The following HOXA3 variants were observed in gnomAD, a reference collection of about 807,000 sequenced individuals.
HOXA3 encodes homeobox A3.
In HOXA3, 8 loss-of-function variants were observed where a neutral mutation model predicts 30.3. The observed-to-expected ratio is 0.26, with a 90% CI of 0.15 to 0.48. HOXA3 has a LOEUF of 0.48. Ranked by LOEUF, HOXA3 falls within the 20% of genes least tolerant of loss-of-function variation. The probability of loss-of-function intolerance (pLI) is 0.99; values close to 1 mark genes in which losing one functional copy is unlikely to be tolerated. For synonymous variants in HOXA3, 323 were observed against 273.1 expected, an observed-to-expected ratio of 1.18 and a Z score of -1.80; for missense variants, 653 against 614.4, an observed-to-expected ratio of 1.06 and a Z score of -0.66.
chr7:27,152,326 C>T lies in HOXA3; in HGVS notation c.-532G>A. 4 of 1,267,904 alleles carry T rather than the reference C, an allele frequency of 3.2e-6. No homozygotes were observed. In the Middle Eastern group the frequency reaches 8.7e-4, roughly 277 times the overall value. 78.5% of individuals were successfully genotyped at this position (1,267,904 alleles called of 1,614,324 possible). ...CTCCCAGAAGCTCCTGCCCCTCTGA[C>T]AGCTGTCGCTTGGGCAGCCCGAGAG... On this transcript the variant is annotated 5_prime_UTR_variant, in exon 1 of 6. Transcript: ENST00000612286.
chr7:27,129,352 G>A lies in HOXA3; in HGVS notation c.-389-2282C>T, dbSNP rs1785417263. ...GGCCGAATTGGAGGATCGCATCTTG[G>A]TGTTGGGCAGTTTGTGGTCTTTCTT... is the stretch of plus-strand genomic sequence containing the variant. On this transcript the variant is annotated intron_variant, in intron 2 of 5. Transcript: ENST00000612286. The A allele has an allele frequency of 1.2e-6, 2 of 1,614,090 alleles. No homozygotes were observed. Among genetic ancestry groups the A allele is most frequent in the Admixed American group, 3.3e-5 (2 of 60,010 alleles).
intron 2 of HOXA3, among the ~76,000 whole-genome samples, chr7:27,131,865 AT>A (rs1785571566): frequency 6.6e-6 from 1 of 152,204 alleles, no homozygotes; most frequent in Admixed American, 6.5e-5. Context: ...GGCTAGAGTT[AT>A]ATTTGCAGGA....
intron 4 of HOXA3, among the ~76,000 whole-genome samples, chr7:27,111,596 C>A (rs1784383283): frequency 6.6e-6 from 1 of 152,048 alleles, no homozygotes; most frequent in Non-Finnish European, 1.5e-5. Flanking sequence ...TTTCCTCTCC[C>A]TGTTTCTCAG....
At chr7:27,151,373 T>G (rs1782967063) in intron 1 of HOXA3, 1 of 338,762 alleles carries the variant, frequency 3.0e-6, no homozygotes, top group South Asian at 2.2e-5. Flanking sequence ...CTCTCCCCGC[T>G]CGCGGAAGGT....
At chr7:27,141,987 T>C in intron 1 of HOXA3, 1 of 1,614,220 alleles carries the variant, frequency 6.2e-7, no homozygotes, top group Non-Finnish European at 8.5e-7. Flanking sequence ...CTTCTGCGGG[T>C]CAGGTAACGG....
intron 1 of HOXA3, among the ~76,000 whole-genome samples, chr7:27,149,396 G>A (rs898537485): frequency 7.2e-5 from 11 of 152,248 alleles, no homozygotes; most frequent in African/African-American, 2.7e-4. Flanking sequence ...ACTTAGTGGG[G>A]AGGTGGCAAT....
chr7:27,130,453 C>G (rs1318604293), intron 2 of HOXA3: 1 of 1,223,334 alleles, frequency 8.2e-7, no homozygotes, highest in Non-Finnish European at 1.0e-6. Flanking sequence ...GTCCGCGGCC[C>G]CATGCGCGGG....
intron 1 of HOXA3, among the ~76,000 whole-genome samples, chr7:27,146,406 C>G (rs1782770740): frequency 6.6e-6 from 1 of 152,088 alleles, no homozygotes; most frequent in African/African-American, 2.4e-5. Context: ...AATGGTCAGC[C>G]CTCTTGAATC....
At chr7:27,109,086 A>T (rs146881836) in intron 5 of HOXA3, among the ~76,000 whole-genome samples, 1 of 152,058 alleles carries the variant, frequency 6.6e-6, no homozygotes, top group East Asian at 1.9e-4. Flanking sequence ...CATTCTCTTC[A>T]CAGTAACTGA....
intron 2 of HOXA3, among the ~76,000 whole-genome samples, chr7:27,136,334 C>T (rs1438767174): frequency 6.6e-6 from 1 of 152,148 alleles, no homozygotes; most frequent in Non-Finnish European, 1.5e-5. Flanking sequence ...AGCCTATGAC[C>T]TCTTCGTTAG....
At chr7:27,143,147 G>C in intron 1 of HOXA3, 1 of 1,609,440 alleles carries the variant, frequency 6.2e-7, no homozygotes, top group East Asian at 2.2e-5. Context: ...GCTGCTGGCA[G>C]GGGCGTCCTC....
chr7:27,143,641 C>T (rs753764128), intron 1 of HOXA3: 14 of 1,556,770 alleles, frequency 9.0e-6, no homozygotes, highest in South Asian at 6.1e-5. Context: ...ATTTGTGGCT[C>T]GCGGTCGTTT....
rs565915971 is a variant in HOXA3, at chr7:27,109,704, G to A, written c.526+411C>T. Among the ~76,000 whole-genome samples the A allele has an allele frequency of 3.5e-4, 54 of 152,358 alleles. No individual in the cohort carries two copies. The South Asian group carries it at 0.011, about 30-fold the overall frequency. On this transcript the variant is annotated intron_variant, in intron 5 of 5. Coordinates refer to ENST00000612286, the MANE Select transcript of HOXA3 (RefSeq NM_153631.3). ...TAGGCAAAGCATTGATTCTGTCTTG[G>A]AGGGTGATTAGGCCTGTTTTTATTC... is the stretch of plus-strand genomic sequence containing the variant.
At chr7:27,130,332 G>C in intron 2 of HOXA3, 8 of 1,106,310 alleles carry the variant, frequency 7.2e-6, no homozygotes, top group Non-Finnish European at 8.8e-6. Flanking sequence ...GCTGCAGGAC[G>C]TGGCTCGCAT....
chr7:27,138,654 G>A (rs1785787568), intron 2 of HOXA3, among the ~76,000 whole-genome samples: 1 of 152,174 alleles, frequency 6.6e-6, no homozygotes, highest in African/African-American at 2.4e-5. Flanking sequence ...TTTTGCCATT[G>A]AAGAATATGG....
Position 27,108,111 on chromosome 7 carries a change from C to G in HOXA3, c.1136G>C (p.Gly379Ala), listed in dbSNP as rs1254705443. 2 of 1,609,020 alleles carry G rather than the reference C, an allele frequency of 1.2e-6. No individual in the cohort carries two copies. Among genetic ancestry groups the G allele is most frequent in the Non-Finnish European group, 1.7e-6 (2 of 1,176,676 alleles). The change falls in exon 6 of 6, where the codon GGG (glycine) becomes GCG (alanine). Residue 379 changes from glycine to alanine, a missense_variant. By Grantham distance (60) the Gly-to-Ala change is moderately conservative (BLOSUM62 0). Coordinates refer to ENST00000612286, the MANE Select transcript of HOXA3 (RefSeq NM_153631.3). The surrounding 1 kb of genome is among the most constrained non-coding windows in gnomAD (Gnocchi z 5.0). ...GSYVEPMSNS[G>A]PALFGLTHLP... ...GTGAGTTAGACCAAAGAGGGCTGGCCCGGAGTTGCTCATGGGCTCCACATA... is the reference window on the plus strand; with the variant it reads ...GTGAGTTAGACCAAAGAGGGCTGGCGCGGAGTTGCTCATGGGCTCCACATA...
At chr7:27,111,493 T>C (rs1784373845) in intron 4 of HOXA3, among the ~76,000 whole-genome samples, 1 of 151,436 alleles carries the variant, frequency 6.6e-6, no homozygotes, top group Admixed American at 6.6e-5. Flanking sequence ...TGCGTGTGTG[T>C]GTGTGTGTGT....
At chr7:27,147,779 G>C (rs774419524) in intron 1 of HOXA3, 7 of 1,575,906 alleles carry the variant, frequency 4.4e-6, no homozygotes, top group Non-Finnish European at 3.4e-6. Flanking sequence ...ACTGTGATTT[G>C]TTGTGTATTA....
At chr7:27,129,215 C>T in intron 2 of HOXA3, 1 of 1,439,056 alleles carries the variant, frequency 6.9e-7, no homozygotes, top group Non-Finnish European at 9.8e-7. Context: ...TGGTTAAGAT[C>T]TCTAGAAGAT....
Sources: gnomAD v4.1 joint callset for allele counts (sites outside exome capture counted in the v4.1 genomes callset) on GRCh38, gnomAD v4.1.1 for gene constraint, Gnocchi (gnomAD v3.1) non-coding constraint, MANE v1.5 for transcripts, NCBI Gene and HGNC (gene_info 2026-07-23, HGNC 2026-07-21) for gene names.